Variants in YTHDC2 observed in about 807,000 individuals in gnomAD.
The protein encoded by YTHDC2 is 3'-5' RNA helicase YTHDC2.
In YTHDC2, 45 loss-of-function variants were observed where a neutral mutation model predicts 174.9. That is an observed-to-expected ratio of 0.26 (90% confidence interval 0.20 to 0.33). The LOEUF (loss-of-function observed/expected upper bound fraction) is 0.33, where lower values mean the gene tolerates loss of function less well. Ranked by LOEUF, YTHDC2 falls within the 10% of genes least tolerant of loss-of-function variation. The probability of loss-of-function intolerance (pLI) is 1.00; values close to 1 mark genes in which losing one functional copy is unlikely to be tolerated. For synonymous variants in YTHDC2, 657 were observed against 574.5 expected, an observed-to-expected ratio of 1.14 and a Z score of -2.05; for missense variants, 1,650 against 1,723.7, an observed-to-expected ratio of 0.96 and a Z score of 0.76.
At chr5:113,573,792 TCTC>T (rs1777874673) in intron 23 of YTHDC2, among the ~76,000 whole-genome samples, 1 of 152,222 alleles carries the variant, frequency 6.6e-6, no homozygotes, top group Non-Finnish European at 1.5e-5. Flanking sequence ...ATTGTGAAGT[TCTC>T]CTGTTGTGTT....
chr5:113,560,667 G>T (rs1335587546), intron 17 of YTHDC2, among the ~76,000 whole-genome samples: 1 of 152,174 alleles, frequency 6.6e-6, no homozygotes, highest in South Asian at 2.1e-4. Context: ...AGGATAAATG[G>T]CATTCCCTTG....
intron 10 of YTHDC2, among the ~76,000 whole-genome samples, chr5:113,546,896 C>T (rs1355555641): frequency 6.6e-6 from 1 of 152,218 alleles, no homozygotes; most frequent in African/African-American, 2.4e-5. Context: ...GAGTTCTTGT[C>T]AACTGTCCTT....
At chr5:113,568,519 A>C (rs60914066) in intron 23 of YTHDC2, among the ~76,000 whole-genome samples, 46,692 of 151,740 alleles carry the variant, frequency 0.31, 9,440 homozygotes, top group African/African-American at 0.56. Flanking sequence ...TGTTCTCCCT[A>C]CCCTCTACCA....
intron 20 of YTHDC2, 118 bp from the exon 21 acceptor site, chr5:113,565,775 A>T (rs1777291666): frequency 5.8e-6 from 6 of 1,032,326 alleles, no homozygotes; most frequent in Non-Finnish European, 8.0e-6. Flanking sequence ...TTTTATAGAA[A>T]ATTAGAATAA....
In YTHDC2 at chr5:113,523,356, C is replaced by T. The variant is rs75274968; in HGVS notation, c.279-1625C>T. Among the ~76,000 whole-genome samples the T allele has an allele frequency of 8.4e-4, 128 of 152,174 alleles. 1 individual carries two copies. The East Asian group carries it at 0.023, about 27-fold the overall frequency. The stretch of plus-strand genomic sequence containing the variant: ...TTTATTACTAGCTGAATACTAGCCT[C>T]CTACCATTTGCTCTGGTGCTCAGTT... On this transcript the variant is annotated intron_variant, in intron 2 of 29. Transcript: ENST00000161863.
intron 9 of YTHDC2, among the ~76,000 whole-genome samples, chr5:113,542,105 A>AT (rs1388304091): frequency 6.6e-6 from 1 of 152,190 alleles, no homozygotes; most frequent in African/African-American, 2.4e-5. Flanking sequence ...TAACAACATC[A>AT]TATTGGAAGC....
Position 113,579,701 on chromosome 5 carries a change from T to C in YTHDC2, c.3354+6T>C, listed in dbSNP as rs2112785889. The C allele has an allele frequency of 1.3e-6, 2 of 1,599,768 alleles. No individual in the cohort carries two copies. The highest frequency in any genetic ancestry group is 1.1e-5 in the South Asian group (1 of 88,356). On this transcript the variant is annotated splice_donor_region_variant and intron_variant, in intron 24 of 29. Coordinates refer to ENST00000161863, the MANE Select transcript of YTHDC2 (RefSeq NM_022828.5). ...ATTTCACACTGGAGCCAGAGGTAAG[T>C]TGCTTTCAAGTAGTGTAATAAATTT... is the stretch of plus-strand genomic sequence containing the variant.
In YTHDC2 at chr5:113,551,761, A is replaced by G. The variant is rs139359878; in HGVS notation, c.1689-1420A>G. Among the ~76,000 whole-genome samples, 99 of 152,296 alleles carry G rather than the reference A, an allele frequency of 6.5e-4. 1 individual carries two copies. The highest frequency in any genetic ancestry group is 9.2e-4 in the Admixed American group (14 of 15,290). ...CCCAGAACTTAAAGTATAATAAAAC[A>G]TTTACAAGAGCCAATTATTAAGTTG... On this transcript the variant is annotated intron_variant, in intron 12 of 29. Transcript: ENST00000161863.
intron 18 of YTHDC2, 126 bp downstream of exon 18, chr5:113,561,311 G>A (rs1776947082): frequency 1.6e-6 from 1 of 617,674 alleles, no homozygotes; most frequent in Non-Finnish European, 2.7e-6. Context: ...TATATATTAT[G>A]GAGGGTGGCT....
intron 1 of YTHDC2, among the ~76,000 whole-genome samples, chr5:113,514,561 C>T (rs1345747029): frequency 1.3e-5 from 2 of 152,172 alleles, no homozygotes; most frequent in African/African-American, 4.8e-5. Context: ...GAAGCATCTT[C>T]CACACCTCTT....
At chr5:113,583,022 A>G (rs1682095211) in intron 25 of YTHDC2, 1 of 152,180 alleles carries the variant, frequency 6.6e-6, no homozygotes, top group Admixed American at 6.5e-5. Context: ...ATGTAGGAAT[A>G]TATTTCCATA....
chr5:113,584,352 A>C lies in YTHDC2; in HGVS notation c.3698A>C (p.Lys1233Thr), dbSNP rs1778558998. ...GCATTACACCCACCTCAGAAGTACAAAGATAGAGGAATTTTACATCCTAAA... is the reference window on the plus strand; with the variant it reads ...GCATTACACCCACCTCAGAAGTACACAGATAGAGGAATTTTACATCCTAAA... The part of the protein sequence containing the change: ...SPALHPPQKY[K>T]DRGILHPKRG... The change falls in exon 26 of 30, where the codon AAA becomes ACA. Residue 1233 changes from lysine (K) to threonine (T), a missense_variant. Physicochemically the swap from Lys to Thr is moderately conservative, Grantham distance 78. Transcript: ENST00000161863. The C allele has an allele frequency of 1.2e-6, 2 of 1,613,756 alleles. No homozygotes were observed. The highest frequency in any genetic ancestry group is 1.3e-5 in the African/African-American group (1 of 74,898).
intron 17 of YTHDC2, among the ~76,000 whole-genome samples, chr5:113,556,689 T>G (rs1329703050): frequency 6.6e-6 from 1 of 152,168 alleles, no homozygotes; most frequent in African/African-American, 2.4e-5. Flanking sequence ...GTCTTTCATA[T>G]TTTACTGATG....
intron 7 of YTHDC2, 39 bp downstream of exon 7, chr5:113,535,837 A>G (rs983422436): frequency 6.7e-7 from 1 of 1,500,322 alleles, no homozygotes; most frequent in Non-Finnish European, 9.0e-7. Flanking sequence ...AATTTTTATG[A>G]AAGAACACTT....
At chr5:113,562,430 A>G (rs764381377) in intron 18 of YTHDC2, among the ~76,000 whole-genome samples, 3 of 150,906 alleles carry the variant, frequency 2.0e-5, no homozygotes, top group Non-Finnish European at 4.4e-5. Context: ...ATAATGTGTT[A>G]AACATCCATA....
chr5:113,577,357 C>T (rs1186379772), intron 23 of YTHDC2, among the ~76,000 whole-genome samples: 1 of 137,474 alleles, frequency 7.3e-6, no homozygotes, highest in Non-Finnish European at 1.5e-5. Context: ...AACAACAGTT[C>T]TTTTGTGTTT....
At chr5:113,579,733 T>G in intron 24 of YTHDC2, 38 bp downstream of exon 24, 3 of 1,556,434 alleles carry the variant, frequency 1.9e-6, no homozygotes, top group Non-Finnish European at 2.6e-6. Context: ...ATTTCTTTCA[T>G]TCAGTTAGTG....
At chr5:113,590,041 C>T (rs1309172279) in intron 26 of YTHDC2, among the ~76,000 whole-genome samples, 1 of 151,964 alleles carries the variant, frequency 6.6e-6, no homozygotes, top group Non-Finnish European at 1.5e-5. Context: ...TAAAAATCTA[C>T]TTGTAAATGT....
chr5:113,587,723 A>G (rs967699475), intron 26 of YTHDC2, among the ~76,000 whole-genome samples: 5 of 150,902 alleles, frequency 3.3e-5, no homozygotes, highest in African/African-American at 7.3e-5. Context: ...ATCTTCTTCA[A>G]TATTATTTTG....
Sources: gnomAD v4.1 joint callset for allele counts (sites outside exome capture counted in the v4.1 genomes callset) on GRCh38, gnomAD v4.1.1 for gene constraint, MANE v1.5 for transcripts, NCBI Gene and HGNC (gene_info 2026-07-23, HGNC 2026-07-21) for gene names.